TULP4: variants seen among roughly 807,000 people sequenced by gnomAD.
TULP4 encodes tubby-related protein 4.
A neutral mutation model predicts 129.0 loss-of-function variants in TULP4; 16 were observed. The ratio of observed to expected loss-of-function variants is 0.12; its 90% CI spans 0.08 to 0.19. TULP4 has a LOEUF of 0.19. Ranked by LOEUF, TULP4 falls within the 10% of genes least tolerant of loss-of-function variation. The pLI, the probability that TULP4 is intolerant of heterozygous loss-of-function variation, is 1.00. For missense variants in TULP4, 1,842 were observed against 2,059.1 expected (o/e 0.89, Z 2.04); for synonymous variants, 998 against 854.0 (o/e 1.17, Z -2.94).
chr6:158,378,172 C>T (rs1777235278), intron 1 of TULP4, among the ~76,000 whole-genome samples: 1 of 152,124 alleles, frequency 6.6e-6, no homozygotes, highest in Admixed American at 6.6e-5. Context: ...ACTGGCACAT[C>T]CTCTCTTCTG....
At position 158,508,660 on chromosome 6, in the gene TULP4, G is replaced by C. The variant is rs898441723; in HGVS notation, c.*1966G>C. On this transcript the variant is annotated 3_prime_UTR_variant, in exon 14 of 14. Coordinates refer to ENST00000367097, the MANE Select transcript of TULP4 (RefSeq NM_020245.5). Reference sequence around the variant, plus strand: ...AGTGCTTATTGGTTGTGCAATAATGGTTATAGCCTGTTAGATAATCTAAAT... The same window carrying C: ...AGTGCTTATTGGTTGTGCAATAATGCTTATAGCCTGTTAGATAATCTAAAT... The C allele has an allele frequency of 1.3e-5, 2 of 152,540 alleles. No homozygotes were observed. The highest frequency in any genetic ancestry group is 4.8e-5 in the African/African-American group (2 of 41,400). The allele number at this position is 152,540 out of a possible 1,614,324, so 9.4% of individuals were successfully genotyped here.
In TULP4 at chr6:158,493,610, C is replaced by T. The variant is rs140306537; in HGVS notation, c.1669C>T (p.Arg557Trp). Residue 557 changes from arginine (R) to tryptophan (W), a missense_variant, in exon 10 of 14, where the codon CGG becomes TGG. Physicochemically the swap from Arg to Trp is moderately radical, Grantham distance 101. Transcript: ENST00000367097. The surrounding 1 kb of genome is among the most constrained non-coding windows in gnomAD (Gnocchi z 4.4). ...IEARKSPKLP[R>W]AAQELSRSPR... ...GGCCCGCAAGTCACCCAAGCTGCCC[C>T]GGGCTGCTCAGGAGCTCTCCCGGTC... 4.4e-6 allele frequency: 7 copies of T among 1,582,656 alleles called. No individual in the cohort carries two copies. The highest frequency in any genetic ancestry group is 2.4e-5 in the East Asian group (1 of 41,494).
At chr6:158,299,724 A>G (rs1398129218) in intron 1 of TULP4, among the ~76,000 whole-genome samples, 1 of 152,210 alleles carries the variant, frequency 6.6e-6, no homozygotes, top group Non-Finnish European at 1.5e-5. Flanking sequence ...TATCGTTAGC[A>G]TAGATTTCCA....
intron 3 of TULP4, among the ~76,000 whole-genome samples, chr6:158,431,055 C>T (rs1778616922): frequency 6.6e-6 from 1 of 152,042 alleles, no homozygotes; most frequent in Non-Finnish European, 1.5e-5. Context: ...AAGGTATTTT[C>T]AGCTCCATGT....
intron 1 of TULP4, among the ~76,000 whole-genome samples, chr6:158,362,221 T>C (rs1022915033): frequency 5.3e-5 from 8 of 152,218 alleles, no homozygotes; most frequent in African/African-American, 1.9e-4. Context: ...CAATATATCC[T>C]GCAAAATGAT....
rs555448227 is a variant in TULP4 at position 158,489,852 on chromosome 6, T to G, written c.1631+120T>G. The G allele has an allele frequency of 4.9e-5, 60 of 1,233,498 alleles. No homozygotes were observed. In the African/African-American group the frequency reaches 8.5e-4, roughly 18 times the overall value. 76.4% of individuals were successfully genotyped at this position (1,233,498 alleles called of 1,614,324 possible). A position where few individuals can be genotyped will look rare whatever the true frequency, so the allele number is the denominator to read the frequency against. Reference sequence around the variant, plus strand: ...GTCAAAGAGCAACCTCCCTGCCTTTTCTTCCAGAAGATTCCAGCTGGAATA... The same window carrying G: ...GTCAAAGAGCAACCTCCCTGCCTTTGCTTCCAGAAGATTCCAGCTGGAATA... On this transcript the variant is annotated intron_variant, in intron 9 of 13. Coordinates refer to ENST00000367097, the MANE Select transcript of TULP4 (RefSeq NM_020245.5).
intron 1 of TULP4, among the ~76,000 whole-genome samples, chr6:158,368,765 A>G (rs370092412): frequency 5.3e-5 from 8 of 152,374 alleles, no homozygotes; most frequent in African/African-American, 2.4e-5. Flanking sequence ...TCATTAAAAT[A>G]TACACACATA....
At chr6:158,306,205 C>G (rs1441544278) in intron 1 of TULP4, among the ~76,000 whole-genome samples, 2 of 152,138 alleles carry the variant, frequency 1.3e-5, no homozygotes, top group African/African-American at 4.8e-5. Context: ...TGAAATGGAA[C>G]ACTGTGCTTT....
chr6:158,492,043 A>G (rs960189836), intron 9 of TULP4, among the ~76,000 whole-genome samples: 1 of 151,644 alleles, frequency 6.6e-6, no homozygotes, highest in African/African-American at 2.4e-5. Context: ...ATTTTTTAGT[A>G]GAGATGGGGT....
intron 1 of TULP4, among the ~76,000 whole-genome samples, chr6:158,327,305 T>C (rs1779766222): frequency 6.6e-6 from 1 of 152,222 alleles, no homozygotes; most frequent in South Asian, 2.1e-4. Context: ...TTAGTAACTT[T>C]TTTCACATTA....
rs1780727143 is a variant in TULP4, at chr6:158,510,963, T to C, written c.*4269T>C. 1 of 152,322 alleles carries C rather than the reference T, an allele frequency of 6.6e-6. No homozygotes were observed. Among genetic ancestry groups the C allele is most frequent in the Non-Finnish European group, 1.5e-5 (1 of 68,038 alleles). 9.4% of individuals were successfully genotyped at this position (152,322 alleles called of 1,614,324 possible). A position where few individuals can be genotyped will look rare whatever the true frequency, so the allele number is the denominator to read the frequency against. On this transcript the variant is annotated 3_prime_UTR_variant, in exon 14 of 14. Coordinates refer to ENST00000367097, the MANE Select transcript of TULP4 (RefSeq NM_020245.5). Reference sequence around the variant, plus strand: ...AGTCAATGGTTGTAAGCAAAGTTAGTGGAGACAAAAATGTGTCCAAAATGT... The same window carrying C: ...AGTCAATGGTTGTAAGCAAAGTTAGCGGAGACAAAAATGTGTCCAAAATGT...
chr6:158,329,061 T>TC (rs777495486), intron 1 of TULP4, among the ~76,000 whole-genome samples: 10 of 152,174 alleles, frequency 6.6e-5, no homozygotes, highest in Admixed American at 2.6e-4. Context: ...TCCAGTTGGG[T>TC]CCACCCACAA....
chr6:158,445,612 T>A (rs368136457), intron 3 of TULP4, among the ~76,000 whole-genome samples: 11 of 152,120 alleles, frequency 7.2e-5, no homozygotes, highest in African/African-American at 2.7e-4. Context: ...GCAAGATTAA[T>A]TCTGTGTGGT....
intron 1 of TULP4, among the ~76,000 whole-genome samples, chr6:158,339,430 C>G (rs571967546): frequency 3.1e-4 from 47 of 152,160 alleles, no homozygotes; most frequent in Non-Finnish European, 6.2e-4. Flanking sequence ...GAGCAGAGAA[C>G]CGGTCTGACT....
chr6:158,293,997 A>G (rs1778987422), intron 1 of TULP4, among the ~76,000 whole-genome samples: 1 of 152,208 alleles, frequency 6.6e-6, no homozygotes, highest in South Asian at 2.1e-4. Context: ...TTAGGAAACA[A>G]AACTACCTCA....
intron 1 of TULP4, among the ~76,000 whole-genome samples, chr6:158,319,141 T>C (rs947362164): frequency 2.0e-5 from 3 of 152,170 alleles, no homozygotes; most frequent in Non-Finnish European, 1.5e-5. Context: ...AGCCGCTGGT[T>C]GTTGTTATTC....
rs568761152 is a variant in TULP4, at chr6:158,315,579, C to T, written c.252+1311C>T. ...ATATCAAAATATAGAGCATTTCCAG[C>T]ACCAGTTACGGGTACTTGGTGCTCC... is the stretch of plus-strand genomic sequence containing the variant. On this transcript the variant is annotated intron_variant, in intron 1 of 13. Coordinates refer to ENST00000367097, the MANE Select transcript of TULP4 (RefSeq NM_020245.5). 2.6e-5 allele frequency among the ~76,000 whole-genome samples: 4 copies of T among 152,322 alleles called. No homozygotes were observed. In the East Asian group the frequency reaches 7.7e-4, roughly 29 times the overall value.
chr6:158,478,126 A>G (rs1779863460), intron 6 of TULP4, among the ~76,000 whole-genome samples: 2 of 152,232 alleles, frequency 1.3e-5, no homozygotes, highest in African/African-American at 4.8e-5. Context: ...GAGGGAGAAG[A>G]TCAGAAAAAA....
At chr6:158,341,861 T>G (rs9364957) in intron 1 of TULP4, among the ~76,000 whole-genome samples, 131,019 of 152,140 alleles carry the variant, frequency 0.86, 56,847 homozygotes, top group South Asian at 0.93. Flanking sequence ...ATTCTGTGAG[T>G]TGTCTTTTCC....
Sources: allele counts gnomAD v4.1 joint callset (sites outside exome capture counted in the v4.1 genomes callset), GRCh38; gene constraint gnomAD v4.1.1; non-coding constraint Gnocchi (gnomAD v3.1); transcripts MANE v1.5; gene names NCBI Gene and HGNC (gene_info 2026-07-23, HGNC 2026-07-21).